SLC38A9: variants seen among roughly 807,000 people sequenced by gnomAD.
SLC38A9 encodes neutral amino acid transporter 9.
SLC38A9 carries 48 observed loss-of-function variants against 62.3 expected under a neutral mutation model. The observed-to-expected ratio is 0.77, with a 90% CI of 0.61 to 0.98. The LOEUF (loss-of-function observed/expected upper bound fraction) is 0.98, where lower values mean the gene tolerates loss of function less well. Among genes scored for constraint, SLC38A9 ranks in the 50% least tolerant of loss-of-function variants. SLC38A9 has a pLI of 0.00. For missense variants in SLC38A9, 541 were observed against 679.8 expected, an observed-to-expected ratio of 0.80 and a Z score of 2.27; for synonymous variants, 204 against 227.7, an observed-to-expected ratio of 0.90 and a Z score of 0.94.
At chr5:55,627,828 C>T (rs1742724367) in intron 15 of SLC38A9, 63 bp downstream of exon 15, 6 of 999,382 alleles carry the variant, frequency 6.0e-6, no homozygotes, top group Middle Eastern at 2.1e-4. Context: ...ACAACAACAA[C>T]AGGAAAAGCC....
At chr5:55,706,656 A>C (rs1489076288) in intron 2 of SLC38A9, among the ~76,000 whole-genome samples, 1 of 152,208 alleles carries the variant, frequency 6.6e-6, no homozygotes, top group Non-Finnish European at 1.5e-5. Context: ...ATAAATGAGG[A>C]GTTCAAAGTC....
At chr5:55,684,614 G>A (rs1753490120) in intron 3 of SLC38A9, among the ~76,000 whole-genome samples, 1 of 152,090 alleles carries the variant, frequency 6.6e-6, no homozygotes, top group Non-Finnish European at 1.5e-5. Context: ...TAGCCCTATA[G>A]GCTGGCAAAG....
chr5:55,704,052 C>T (rs1284817368), intron 2 of SLC38A9: 1 of 152,270 alleles, frequency 6.6e-6, no homozygotes, highest in African/African-American at 2.4e-5. Flanking sequence ...CCTACAGTCC[C>T]AGCTACTCAG....
At chr5:55,664,002 TTGG>T (rs1197936519) in intron 8 of SLC38A9, among the ~76,000 whole-genome samples, 1 of 152,064 alleles carries the variant, frequency 6.6e-6, no homozygotes, top group African/African-American at 2.4e-5. Flanking sequence ...AGAAAAAGGT[TTGG>T]TATCTTTTAC....
At chr5:55,712,134 T>C (rs1580477244) in intron 1 of SLC38A9, 83 bp downstream of exon 1, 1 of 152,340 alleles carries the variant, frequency 6.6e-6, no homozygotes, top group Admixed American at 6.5e-5. Flanking sequence ...TCGCCCCAAC[T>C]TCAACCCTTC....
intron 9 of SLC38A9, among the ~76,000 whole-genome samples, chr5:55,654,441 C>A (rs1309556607): frequency 1.3e-5 from 2 of 152,040 alleles, no homozygotes; most frequent in Non-Finnish European, 2.9e-5. Context: ...AACATGGCAA[C>A]CCTGTCTCTA....
At chr5:55,654,479 G>A (rs1200195929) in intron 9 of SLC38A9, among the ~76,000 whole-genome samples, 1 of 152,036 alleles carries the variant, frequency 6.6e-6, no homozygotes, top group Non-Finnish European at 1.5e-5. Context: ...TGCTGGATGG[G>A]ATGTAGTTCC....
At position 55,666,217 on chromosome 5, in the gene SLC38A9, G is replaced by A. The variant is rs558728668; in HGVS notation, c.527-1354C>T. ...TGTATTTAGAGATTCCTATCATTTA[G>A]GATAGAAATTTACATAAGAAAACAA... is the stretch of plus-strand genomic sequence containing the variant. On this transcript the variant is annotated intron_variant, in intron 7 of 15. Coordinates refer to ENST00000396865, the MANE Select transcript of SLC38A9 (RefSeq NM_173514.4). 2.6e-5 allele frequency among the ~76,000 whole-genome samples: 4 copies of A among 152,192 alleles called. No individual in the cohort carries two copies. In the South Asian group the frequency reaches 6.2e-4, roughly 24 times the overall value.
intron 3 of SLC38A9, among the ~76,000 whole-genome samples, chr5:55,694,486 TTC>T (rs1349663875): frequency 2.1e-5 from 2 of 95,062 alleles, no homozygotes; most frequent in Non-Finnish European, 5.2e-5. Flanking sequence ...CTAAGGACAA[TTC>T]TGTGTGTGTG....
chr5:55,683,356 G>C (rs1297931331), intron 3 of SLC38A9, among the ~76,000 whole-genome samples: 1 of 152,162 alleles, frequency 6.6e-6, no homozygotes, highest in Non-Finnish European at 1.5e-5. Context: ...CTGAGTAGCT[G>C]AGACTACCAA....
chr5:55,676,473 G>A (rs1752098861), intron 3 of SLC38A9, among the ~76,000 whole-genome samples: 1 of 152,108 alleles, frequency 6.6e-6, no homozygotes, highest in African/African-American at 2.4e-5. Flanking sequence ...TCACCATACT[G>A]GCCTATAAAT....
intron 3 of SLC38A9, among the ~76,000 whole-genome samples, chr5:55,686,503 T>C (rs947356314): frequency 1.3e-5 from 2 of 152,342 alleles, no homozygotes; most frequent in South Asian, 2.1e-4. Context: ...AACTTCCTTA[T>C]AGATGCTGGA....
chr5:55,640,537 C>T (rs1375135713), intron 12 of SLC38A9, among the ~76,000 whole-genome samples: 1 of 152,170 alleles, frequency 6.6e-6, no homozygotes, highest in Non-Finnish European at 1.5e-5. Flanking sequence ...ACGCCCATCT[C>T]AGTCCAGCCC....
chr5:55,647,480 G>C (rs1473068564), intron 11 of SLC38A9, among the ~76,000 whole-genome samples: 1 of 93,902 alleles, frequency 1.1e-5, no homozygotes, highest in Non-Finnish European at 2.7e-5. Context: ...GAAAAGAAGA[G>C]AAAACAAGAA....
intron 8 of SLC38A9, among the ~76,000 whole-genome samples, chr5:55,659,395 A>ATT (rs1554057137): frequency 7.5e-6 from 1 of 133,950 alleles, no homozygotes; most frequent in Non-Finnish European, 1.6e-5. Flanking sequence ...TTTTTATTTT[A>ATT]TTTTGATTTG....
intron 14 of SLC38A9, among the ~76,000 whole-genome samples, chr5:55,629,590 G>C (rs1489746286): frequency 6.6e-6 from 1 of 152,188 alleles, no homozygotes; most frequent in Non-Finnish European, 1.5e-5. Context: ...GTGTGGCTGA[G>C]CTGAAGGGGA....
At chr5:55,643,691 T>C (rs1243595151) in intron 12 of SLC38A9, among the ~76,000 whole-genome samples, 2 of 152,226 alleles carry the variant, frequency 1.3e-5, no homozygotes, top group Non-Finnish European at 2.9e-5. Context: ...TGTTAATTCA[T>C]TTATTTTGAA....
In SLC38A9 at chr5:55,662,866, T is replaced by C. The variant is rs533082590; in HGVS notation, c.697+1827A>G. On this transcript the variant is annotated intron_variant, in intron 8 of 15. Transcript: ENST00000396865. ...TTTTCTTTTTATAGGAATACAGAAC[T>C]ACCTAAGCATAGTGGCTTGTGTCTA... Among the ~76,000 whole-genome samples the C allele has an allele frequency of 2.0e-5, 3 of 151,370 alleles. No homozygotes were observed. The South Asian group carries it at 6.3e-4, about 32-fold the overall frequency.
At position 55,661,776 on chromosome 5, in the gene SLC38A9, T is replaced by C. The variant is rs142509260; in HGVS notation, c.697+2917A>G. Among the ~76,000 whole-genome samples, 1,042 of 152,296 alleles carry C rather than the reference T, an allele frequency of 6.8e-3. 12 individuals carry two copies. Among genetic ancestry groups the C allele is most frequent in the African/African-American group, 0.024 (1,004 of 41,566 alleles). On this transcript the variant is annotated intron_variant, in intron 8 of 15. Coordinates refer to ENST00000396865, the MANE Select transcript of SLC38A9 (RefSeq NM_173514.4). ...AGACAAGCCACTAATTAGAAGATATTTGCAACACAATAATGGATAAATGGT... is the reference window on the plus strand; with the variant it reads ...AGACAAGCCACTAATTAGAAGATATCTGCAACACAATAATGGATAAATGGT...
Sources: gnomAD v4.1 joint callset for allele counts (sites outside exome capture counted in the v4.1 genomes callset) on GRCh38, gnomAD v4.1.1 for gene constraint, MANE v1.5 for transcripts, NCBI Gene and HGNC (gene_info 2026-07-23, HGNC 2026-07-21) for gene names.